Variants in CADM2 observed in about 807,000 individuals in gnomAD.
CADM2 encodes the protein immunoglobulin superfamily member 4D.
Under a neutral mutation model 49.8 loss-of-function variants are expected in CADM2, and 12 were observed. The ratio of observed to expected loss-of-function variants is 0.24; its 90% CI spans 0.15 to 0.39. The LOEUF is 0.39. CADM2 is among the 10% of genes least tolerant of loss of function. CADM2 has a pLI of 1.00. For missense variants in CADM2, 378 were observed against 492.3 expected, an observed-to-expected ratio of 0.77 and a Z score of 2.20; for synonymous variants, 214 against 175.4, an observed-to-expected ratio of 1.22 and a Z score of -1.74.
At chr3:85,838,164 G>C (rs1388411271) in intron 3 of CADM2, among the ~76,000 whole-genome samples, 1 of 151,842 alleles carries the variant, frequency 6.6e-6, no homozygotes, top group South Asian at 2.1e-4. Flanking sequence ...CTAAAGTCCA[G>C]TGTGTGGGAT....
At chr3:85,043,912 A>T (rs566827896) in intron 1 of CADM2, among the ~76,000 whole-genome samples, 3 of 152,290 alleles carry the variant, frequency 2.0e-5, no homozygotes, top group Admixed American at 6.5e-5. Flanking sequence ...AGTACCAGAA[A>T]AAAAGCTCCT....
intron 2 of CADM2, among the ~76,000 whole-genome samples, chr3:85,734,451 A>G (rs1316314815): frequency 6.6e-6 from 1 of 151,792 alleles, no homozygotes; most frequent in Admixed American, 6.6e-5. Context: ...TTTTGGAGGT[A>G]CACAAACATT....
rs912163714 is a variant in CADM2 at position 85,450,388 on chromosome 3, C to T, written c.62-276134C>T. 6.6e-5 allele frequency among the ~76,000 whole-genome samples: 10 copies of T among 152,000 alleles called. No individual in the cohort carries two copies. The South Asian group carries it at 1.2e-3, about 19-fold the overall frequency. ...AAATATGTACATATACACATAAATA[C>T]GCATACATGAGTTTCAATCTCATTT... On this transcript the variant is annotated intron_variant, in intron 1 of 9. Coordinates refer to ENST00000383699, the MANE Select transcript of CADM2 (RefSeq NM_001167675.2).
intron 1 of CADM2, among the ~76,000 whole-genome samples, chr3:85,425,965 A>G (rs2036384021): frequency 6.6e-6 from 1 of 152,116 alleles, no homozygotes; most frequent in African/African-American, 2.4e-5. Flanking sequence ...ACTTGAGAAA[A>G]TGGGAATAAG....
intron 4 of CADM2, among the ~76,000 whole-genome samples, chr3:85,885,444 G>C (rs1232528568): frequency 2.0e-5 from 3 of 151,606 alleles, no homozygotes; most frequent in Non-Finnish European, 4.4e-5. Context: ...AGGCTGAAGT[G>C]GGCAGATCAC....
chr3:85,049,327 G>GTTTGTTTA (rs373447374), intron 1 of CADM2, among the ~76,000 whole-genome samples: 2,240 of 146,226 alleles, frequency 0.015, 44 homozygotes, highest in African/African-American at 0.053. Context: ...TGCAGGTTTA[G>GTTTGTTTA]TTTATTTATT....
At chr3:85,793,288 A>G (rs1486663000) in intron 2 of CADM2, among the ~76,000 whole-genome samples, 2 of 152,176 alleles carry the variant, frequency 1.3e-5, no homozygotes, top group African/African-American at 2.4e-5. Context: ...ACTAACTTAG[A>G]TGGTTTTCAA....
At chr3:85,998,257 C>T (rs748336336) in intron 8 of CADM2, among the ~76,000 whole-genome samples, 15 of 152,080 alleles carry the variant, frequency 9.9e-5, no homozygotes, top group Non-Finnish European at 1.6e-4. Flanking sequence ...TGTGATATAA[C>T]AACTCCATGA....
intron 1 of CADM2, among the ~76,000 whole-genome samples, chr3:85,152,572 A>G (rs1030044832): frequency 2.6e-5 from 4 of 152,152 alleles, no homozygotes; most frequent in African/African-American, 9.7e-5. Flanking sequence ...TCCCAACCCC[A>G]CCAAATTGTC....
At chr3:85,427,027 G>T (rs2036437160) in intron 1 of CADM2, among the ~76,000 whole-genome samples, 1 of 151,436 alleles carries the variant, frequency 6.6e-6, no homozygotes, top group Admixed American at 6.6e-5. Context: ...AAGAGGAAAA[G>T]GATTCATAGG....
At chr3:86,039,272 T>C (rs9878268) in intron 8 of CADM2, among the ~76,000 whole-genome samples, 35,587 of 151,874 alleles carry the variant, frequency 0.23, 4,605 homozygotes, top group African/African-American at 0.34. Flanking sequence ...GGTGAGGCAT[T>C]GCCTCACCTG....
intron 1 of CADM2, among the ~76,000 whole-genome samples, chr3:85,495,650 CGAGA>C (rs2039856692): frequency 2.6e-5 from 4 of 151,916 alleles, no homozygotes; most frequent in Non-Finnish European, 4.4e-5. Flanking sequence ...GCAGGTTGTA[CGAGA>C]AGCTTGGAGC....
At chr3:85,908,586 G>A (rs1298464782) in intron 5 of CADM2, among the ~76,000 whole-genome samples, 1 of 151,940 alleles carries the variant, frequency 6.6e-6, no homozygotes, top group African/African-American at 2.4e-5. Context: ...TCTGACATAT[G>A]CAAAGTAAGC....
At chr3:85,038,062 A>G (rs1332800011) in intron 1 of CADM2, among the ~76,000 whole-genome samples, 4 of 152,168 alleles carry the variant, frequency 2.6e-5, no homozygotes, top group Non-Finnish European at 5.9e-5. Flanking sequence ...AAAAATACCA[A>G]TGCCTGGTAT....
At chr3:86,051,550 G>T (rs1257471634) in intron 8 of CADM2, among the ~76,000 whole-genome samples, 1 of 152,096 alleles carries the variant, frequency 6.6e-6, no homozygotes, top group African/African-American at 2.4e-5. Context: ...GTATTAGTCT[G>T]TTATAGCATT....
At chr3:85,775,446 A>C (rs984320198) in intron 2 of CADM2, among the ~76,000 whole-genome samples, 1 of 151,832 alleles carries the variant, frequency 6.6e-6, no homozygotes, top group Non-Finnish European at 1.5e-5. Context: ...TCTTAAAGAC[A>C]TAGTTCAACA....
At chr3:85,406,269 AC>A (rs1293047763) in intron 1 of CADM2, among the ~76,000 whole-genome samples, 1 of 152,132 alleles carries the variant, frequency 6.6e-6, no homozygotes, top group Non-Finnish European at 1.5e-5. Flanking sequence ...AAGAGATAAT[AC>A]CAGGAATTCG....
At chr3:85,231,070 T>C (rs924962919) in intron 1 of CADM2, among the ~76,000 whole-genome samples, 1 of 152,162 alleles carries the variant, frequency 6.6e-6, no homozygotes, top group Admixed American at 6.5e-5. Context: ...ACCCTTGGCC[T>C]GCATATTGTC....
chr3:85,578,857 G>C (rs1488263578), intron 1 of CADM2, among the ~76,000 whole-genome samples: 1 of 152,028 alleles, frequency 6.6e-6, no homozygotes, highest in African/African-American at 2.4e-5. Context: ...TTATAAAGTC[G>C]AGTCATTCAC....
Sources: allele counts gnomAD v4.1 joint callset (sites outside exome capture counted in the v4.1 genomes callset), GRCh38; gene constraint gnomAD v4.1.1; transcripts MANE v1.5; gene names NCBI Gene and HGNC (gene_info 2026-07-23, HGNC 2026-07-21).